GALNT2: variants seen among roughly 807,000 people sequenced by gnomAD.
GALNT2 encodes the protein polypeptide N-acetylgalactosaminyltransferase 2, also known as UDP-GalNAc:polypeptide N-acetylgalactosaminyltransferase 2.
In GALNT2, 31 loss-of-function variants were observed where a neutral mutation model predicts 81.4. The observed-to-expected ratio is 0.38, with a 90% CI of 0.29 to 0.51. The LOEUF (loss-of-function observed/expected upper bound fraction) is 0.51, where lower values mean the gene tolerates loss of function less well. Ranked by LOEUF, GALNT2 falls within the 20% of genes least tolerant of loss-of-function variation. GALNT2 has a pLI of 0.87. For synonymous variants in GALNT2, 303 were observed against 287.4 expected, an observed-to-expected ratio of 1.05 and a Z score of -0.55; for missense variants, 629 against 765.7, an observed-to-expected ratio of 0.82 and a Z score of 2.11.
Position 230,067,324 on chromosome 1 carries a change from G to T in GALNT2, c.44G>T (p.Trp15Leu). ...SRMLLCFAFL[W>L]VLGIAYYMYS... ...ATGCTGCTCTGCTTCGCCTTCCTGT[G>T]GGTGCTGGGCATCGCCTACTACATG... Residue 15 changes from tryptophan to leucine, a missense_variant, in exon 1 of 16, where the codon TGG becomes TTG. By Grantham distance (61) the Trp-to-Leu change is moderately conservative (BLOSUM62 -2). Coordinates refer to ENST00000366672, the MANE Select transcript of GALNT2 (RefSeq NM_004481.5). 1 of 1,391,500 alleles carries T rather than the reference G, an allele frequency of 7.2e-7. No homozygotes were observed. The highest frequency in any genetic ancestry group is 9.4e-7 in the Non-Finnish European group (1 of 1,059,556). 86.2% of individuals were successfully genotyped at this position (1,391,500 alleles called of 1,614,324 possible).
intron 1 of GALNT2, among the ~76,000 whole-genome samples, chr1:230,108,381 T>C (rs1343556634): frequency 6.6e-6 from 1 of 152,242 alleles, no homozygotes; most frequent in Non-Finnish European, 1.5e-5. Context: ...CAATTAACAA[T>C]GAAGCTATGT....
chr1:230,080,339 C>T (rs902598326), intron 1 of GALNT2, among the ~76,000 whole-genome samples: 3 of 152,130 alleles, frequency 2.0e-5, no homozygotes, highest in Non-Finnish European at 2.9e-5. Flanking sequence ...TGTTCAGAGT[C>T]GGAGCTTTCT....
intron 2 of GALNT2, among the ~76,000 whole-genome samples, chr1:230,194,833 A>G (rs1456471003): frequency 2.0e-5 from 3 of 152,172 alleles, no homozygotes; most frequent in Non-Finnish European, 2.9e-5. Context: ...TCCACCATAG[A>G]GGGGAGCAGA....
chr1:230,067,614 C>T (rs1055240961), intron 1 of GALNT2, among the ~76,000 whole-genome samples: 1 of 152,062 alleles, frequency 6.6e-6, no homozygotes, highest in Non-Finnish European at 1.5e-5. Flanking sequence ...AAGGGCGGCC[C>T]CCGCAGCCTT....
At chr1:230,194,020 G>A (rs1305042915) in intron 2 of GALNT2, among the ~76,000 whole-genome samples, 1 of 152,172 alleles carries the variant, frequency 6.6e-6, no homozygotes, top group East Asian at 1.9e-4. Context: ...GATAAGATGG[G>A]GAGAAAAGTT....
intron 14 of GALNT2, among the ~76,000 whole-genome samples, chr1:230,273,944 A>G (rs940504329): frequency 2.0e-5 from 3 of 152,234 alleles, no homozygotes; most frequent in Non-Finnish European, 2.9e-5. Context: ...TATACACGAT[A>G]TATTTTGCTT....
intron 3 of GALNT2, among the ~76,000 whole-genome samples, chr1:230,214,755 T>C (rs1399787808): frequency 6.6e-6 from 1 of 152,214 alleles, no homozygotes; most frequent in African/African-American, 2.4e-5. Flanking sequence ...CCTAATTTCA[T>C]CTTTGTTAGA....
chr1:230,245,752 T>C (rs1665348584), intron 7 of GALNT2, among the ~76,000 whole-genome samples: 3 of 152,184 alleles, frequency 2.0e-5, no homozygotes, highest in South Asian at 2.1e-4. Flanking sequence ...AGTTTTTGCC[T>C]TTAGCTGGGT....
chr1:230,190,825 G>A (rs1436249578), intron 2 of GALNT2, among the ~76,000 whole-genome samples: 3 of 152,236 alleles, frequency 2.0e-5, no homozygotes, highest in East Asian at 3.9e-4. Context: ...CATCTCGACC[G>A]CCATCGGCTC....
At chr1:230,247,995 A>G (rs754724748) in intron 8 of GALNT2, among the ~76,000 whole-genome samples, 1 of 152,192 alleles carries the variant, frequency 6.6e-6, no homozygotes, top group Non-Finnish European at 1.5e-5. Flanking sequence ...CACCATGATA[A>G]GAGCCAGCTC....
Position 230,203,302 on chromosome 1 carries a change from AC to A in GALNT2, c.374+13del. ...ACCCGGCATGACCAGTAAGTACCCC[AC>A]TAAGCACCTGCTGCAGCTTCATTTG... On this transcript the variant is annotated intron_variant, in intron 3 of 15. Transcript: ENST00000366672. 1 of 1,610,950 alleles carries A rather than the reference AC, an allele frequency of 6.2e-7. No individual in the cohort carries two copies. The highest frequency in any genetic ancestry group is 8.5e-7 in the Non-Finnish European group (1 of 1,177,394).
chr1:230,099,718 G>A (rs1321761729), intron 1 of GALNT2, among the ~76,000 whole-genome samples: 2 of 152,214 alleles, frequency 1.3e-5, no homozygotes, highest in African/African-American at 4.8e-5. Context: ...TCTTCCTAGT[G>A]GTGTGCTGCC....
chr1:230,166,780 G>A (rs1180657429), intron 1 of GALNT2, among the ~76,000 whole-genome samples: 2 of 152,206 alleles, frequency 1.3e-5, no homozygotes, highest in African/African-American at 4.8e-5. Context: ...GAAGTTTGAG[G>A]TTTCTCCCTT....
Position 230,271,486 on chromosome 1 carries a change from G to A in GALNT2, c.1441-2959G>A, listed in dbSNP as rs1666160086. On this transcript the variant is annotated intron_variant, in intron 14 of 15. Coordinates refer to ENST00000366672, the MANE Select transcript of GALNT2 (RefSeq NM_004481.5). This position sits in a 1 kb window ranked among gnomAD's most constrained non-coding sequence, Gnocchi z 4.2. ...TTCTGACACTGCCTACCCAGAGTTA[G>A]CACAGACCCCACGGGTTATGGGCTT... 6.6e-6 allele frequency among the ~76,000 whole-genome samples: 1 copy of A among 152,160 alleles called. No homozygotes were observed. The highest frequency in any genetic ancestry group is 2.4e-5 in the African/African-American group (1 of 41,426).
intron 2 of GALNT2, among the ~76,000 whole-genome samples, chr1:230,181,107 T>G (rs1431542122): frequency 6.6e-6 from 1 of 152,156 alleles, no homozygotes; most frequent in Non-Finnish European, 1.5e-5. Context: ...TTGTCTTATT[T>G]CATTAGCTAG....
intron 1 of GALNT2, among the ~76,000 whole-genome samples, chr1:230,141,380 C>T (rs1303015441): frequency 6.6e-6 from 1 of 152,166 alleles, no homozygotes; most frequent in African/African-American, 2.4e-5. Flanking sequence ...AGCTCAGTAT[C>T]CTCACGCATC....
intron 1 of GALNT2, among the ~76,000 whole-genome samples, chr1:230,103,061 G>A (rs1389104839): frequency 6.6e-6 from 1 of 152,210 alleles, no homozygotes; most frequent in Non-Finnish European, 1.5e-5. Context: ...TGTGCAGTAA[G>A]AGACTCCTAT....
chr1:230,240,615 T>TTGTA lies in GALNT2; in HGVS notation c.608-2687_608-2684dup, dbSNP rs1280347789. 5.3e-5 allele frequency among the ~76,000 whole-genome samples: 8 copies of TTGTA among 151,962 alleles called. No individual in the cohort carries two copies. In the South Asian group the frequency reaches 1.5e-3, roughly 28 times the overall value. On this transcript the variant is annotated intron_variant, in intron 6 of 15. Transcript: ENST00000366672. ...TCAGAAAATTCATACTGTTGTTCCT[T>TTGTA]TGTATGTTATGGGTCATTTCCTCTG...
chr1:230,161,230 T>G (rs1463729188), intron 1 of GALNT2, among the ~76,000 whole-genome samples: 1 of 152,200 alleles, frequency 6.6e-6, no homozygotes, highest in African/African-American at 2.4e-5. Context: ...CAAGGTGGCC[T>G]CACGTGTCCT....
Sources: gnomAD v4.1 joint callset for allele counts (sites outside exome capture counted in the v4.1 genomes callset) on GRCh38, gnomAD v4.1.1 for gene constraint, Gnocchi (gnomAD v3.1) non-coding constraint, MANE v1.5 for transcripts, NCBI Gene and HGNC (gene_info 2026-07-23, HGNC 2026-07-21) for gene names.